Variants in RBBP8 observed in about 807,000 individuals in gnomAD.
RBBP8 encodes DNA endonuclease RBBP8.
A neutral mutation model predicts 108.3 loss-of-function variants in RBBP8; 88 were observed. The ratio of observed to expected loss-of-function variants is 0.81; its 90% CI spans 0.68 to 0.97. The LOEUF (loss-of-function observed/expected upper bound fraction) is 0.97, where lower values mean the gene tolerates loss of function less well. Ranked by LOEUF, RBBP8 falls within the 50% of genes least tolerant of loss-of-function variation. RBBP8 has a pLI of 0.00. For synonymous variants in RBBP8, 332 were observed against 348.2 expected (o/e 0.95, Z 0.52); for missense variants, 1,023 against 1,049.0 (o/e 0.98, Z 0.34).
chr18:22,929,886 G>C (rs996111078), upstream of RBBP8, among the ~76,000 whole-genome samples: 2 of 152,110 alleles, frequency 1.3e-5, no homozygotes, highest in African/African-American at 4.8e-5. Flanking sequence ...AAAATAAAAA[G>C]AGCTGAACAA....
At chr18:22,926,010 C>A (rs1194235589) in intron 3 of RBBP8, among the ~76,000 whole-genome samples, 1 of 152,112 alleles carries the variant, frequency 6.6e-6, no homozygotes, top group African/African-American at 2.4e-5. Flanking sequence ...TATGGGCTAA[C>A]CAACTAACAA....
intron 3 of RBBP8, among the ~76,000 whole-genome samples, chr18:22,947,052 C>T (rs1338925580): frequency 6.6e-6 from 1 of 152,006 alleles, no homozygotes; most frequent in East Asian, 1.9e-4. Context: ...CTAGAGCTTC[C>T]ACATTCAGGA....
chr18:22,935,803 ATG>A (rs1204741210), intron 1 of RBBP8, among the ~76,000 whole-genome samples: 1 of 152,222 alleles, frequency 6.6e-6, no homozygotes, highest in Non-Finnish European at 1.5e-5. Context: ...TTCAAGGACT[ATG>A]TAATAAACTT....
chr18:22,974,032 C>T (rs1567970834), intron 5 of RBBP8, among the ~76,000 whole-genome samples: 1 of 152,082 alleles, frequency 6.6e-6, no homozygotes, highest in Non-Finnish European at 1.5e-5. Flanking sequence ...GTAGATAGTC[C>T]AGAAAATTTA....
chr18:22,935,009 G>C (rs913228856), intron 1 of RBBP8, among the ~76,000 whole-genome samples: 1 of 149,122 alleles, frequency 6.7e-6, no homozygotes, highest in Non-Finnish European at 1.5e-5. Flanking sequence ...ATATTCTATA[G>C]TTTCTGGTAT....
At chr18:22,965,119 A>T (rs1413826668) in intron 4 of RBBP8, among the ~76,000 whole-genome samples, 1 of 151,956 alleles carries the variant, frequency 6.6e-6, no homozygotes, top group Non-Finnish European at 1.5e-5. Context: ...TATTCTTCAT[A>T]ATTTGATGAT....
intron 8 of RBBP8, 39 bp from the exon 9 acceptor site, chr18:22,989,181 GT>G (rs764034201): frequency 6.9e-6 from 10 of 1,443,376 alleles, no homozygotes; most frequent in Non-Finnish European, 8.7e-6. Context: ...TGTAAAATTG[GT>G]TTTATTATTT....
intron 4 of RBBP8, among the ~76,000 whole-genome samples, chr18:22,957,109 T>G (rs1409860437): frequency 6.6e-6 from 1 of 152,134 alleles, no homozygotes; most frequent in African/African-American, 2.4e-5. Context: ...CAACTATTTT[T>G]CAAACACTGA....
rs371221175 is a variant in RBBP8 at position 22,937,185 on chromosome 18, A to G, written c.109+225A>G. ...ATGGTACCCCATAGGTAGTTTTTCAATCCCCACCCTCTTCCCACCCCCCTG... is the reference window on the plus strand; with the variant it reads ...ATGGTACCCCATAGGTAGTTTTTCAGTCCCCACCCTCTTCCCACCCCCCTG... On this transcript the variant is annotated intron_variant, in intron 2 of 18. Transcript: ENST00000327155. 1.3e-3 allele frequency: 1,071 copies of G among 809,972 alleles called. 8 individuals carry two copies. In the African/African-American group the frequency reaches 0.017, roughly 13 times the overall value. The allele number at this position is 809,972 out of a possible 1,614,324, so 50.2% of individuals were successfully genotyped here.
At chr18:22,929,722 G>A (rs1009952369), upstream of RBBP8, among the ~76,000 whole-genome samples, 9 of 152,004 alleles carry the variant, frequency 5.9e-5, no homozygotes, top group South Asian at 1.0e-3. Flanking sequence ...TGCCTAATTC[G>A]TAGGGTTGAG....
chr18:22,914,678 G>A (rs1410085312), intron 1 of RBBP8, among the ~76,000 whole-genome samples: 6 of 152,074 alleles, frequency 3.9e-5, no homozygotes, highest in African/African-American at 1.4e-4. Context: ...AATTTTATAT[G>A]GTAAATCTAA....
chr18:22,975,403 G>A (rs1914429020), intron 6 of RBBP8, among the ~76,000 whole-genome samples, 184 bp downstream of exon 6: 1 of 151,934 alleles, frequency 6.6e-6, no homozygotes, highest in Non-Finnish European at 1.5e-5. Context: ...TTAGATTAGT[G>A]CTTGAAGAAA....
At chr18:23,014,052 T>C (rs952002985) in intron 16 of RBBP8, among the ~76,000 whole-genome samples, 1 of 152,026 alleles carries the variant, frequency 6.6e-6, no homozygotes, top group Non-Finnish European at 1.5e-5. Context: ...CAGGCTGGAG[T>C]GAATGGCGCG....
At chr18:22,968,435 A>G (rs972008457) in intron 4 of RBBP8, among the ~76,000 whole-genome samples, 2 of 152,198 alleles carry the variant, frequency 1.3e-5, no homozygotes, top group Non-Finnish European at 2.9e-5. Flanking sequence ...AACACTCACT[A>G]TGGGTGACAT....
Position 22,993,439 on chromosome 18 carries a change from G to C in RBBP8, c.1612G>C (p.Ala538Pro). ...AAAGGGCTTTTCCTCAAGCCGTAAG[G>C]CCTCAGATGGCAACTGCACGTTGCC... is the stretch of plus-strand genomic sequence containing the variant. ...IPKGFSSSRK[A>P]SDGNCTLPKD... The change falls in exon 11 of 19, where the codon GCC becomes CCC. Residue 538 changes from alanine to proline, a missense_variant. Ala to Pro is a conservative substitution (Grantham distance 27). Coordinates refer to ENST00000327155, the MANE Select transcript of RBBP8 (RefSeq NM_002894.3). 2.5e-6 allele frequency: 4 copies of C among 1,614,232 alleles called. No individual in the cohort carries two copies. The highest frequency in any genetic ancestry group is 3.4e-6 in the Non-Finnish European group (4 of 1,180,036).
intron 18 of RBBP8, among the ~76,000 whole-genome samples, chr18:23,022,658 T>TAAATAAAAAAAATATAAAA (rs2046383455): frequency 9.5e-5 from 8 of 83,812 alleles, no homozygotes; most frequent in African/African-American, 2.6e-4. Context: ...CAATATAAAA[T>TAAATAAAAAAAATATAAAA]AAAATAAAAT....
intron 4 of RBBP8, among the ~76,000 whole-genome samples, chr18:22,968,422 T>C (rs1272119094): frequency 1.3e-5 from 2 of 152,198 alleles, no homozygotes; most frequent in East Asian, 1.9e-4. Context: ...AAAAATATTA[T>C]TGAACACTCA....
chr18:22,928,172 G>GC (rs1352231066), intron 3 of RBBP8, among the ~76,000 whole-genome samples: 2 of 151,286 alleles, frequency 1.3e-5, no homozygotes, highest in Non-Finnish European at 2.9e-5. Flanking sequence ...CTGCACTCCA[G>GC]CCTGGGGGAC....
intron 2 of RBBP8, 37 bp downstream of exon 2, chr18:22,936,997 G>A (rs1306212369): frequency 1.2e-6 from 2 of 1,611,320 alleles, no homozygotes; most frequent in African/African-American, 2.7e-5. Context: ...GCAGTATTTT[G>A]TTGAGACTGT....
Sources: gnomAD v4.1 joint callset for allele counts (sites outside exome capture counted in the v4.1 genomes callset) on GRCh38, gnomAD v4.1.1 for gene constraint, MANE v1.5 for transcripts, NCBI Gene and HGNC (gene_info 2026-07-23, HGNC 2026-07-21) for gene names.